The following IL1RL2 variants were observed in gnomAD, a reference collection of about 807,000 sequenced individuals.
IL1RL2 encodes the protein interleukin 1 receptor like 2.
IL1RL2 carries 68 observed loss-of-function variants against 66.8 expected under a neutral mutation model. The observed-to-expected ratio is 1.02, with a 90% CI of 0.84 to 1.25. IL1RL2 has a LOEUF of 1.25. Among genes scored for constraint, IL1RL2 ranks in the 50% most tolerant of loss-of-function variants. The pLI is 0.00. For synonymous variants in IL1RL2, 305 were observed against 264.6 expected (o/e 1.15, Z -1.48); for missense variants, 729 against 709.3 (o/e 1.03, Z -0.32).
At chr2:102,231,789 C>G (rs980907421) in intron 9 of IL1RL2, among the ~76,000 whole-genome samples, 6 of 152,178 alleles carry the variant, frequency 3.9e-5, no homozygotes, top group African/African-American at 1.4e-4. Context: ...GGTTTGACTT[C>G]TCTCAACGGC....
At chr2:102,234,860 T>C (rs2104897278) in intron 10 of IL1RL2, 37 bp from the exon 11 acceptor site, 2 of 1,572,882 alleles carry the variant, frequency 1.3e-6, no homozygotes, top group East Asian at 2.3e-5. Context: ...GCTGTTTTAA[T>C]TGTGAGTTCT....
intron 11 of IL1RL2, among the ~76,000 whole-genome samples, chr2:102,237,463 C>T (rs1159997073): frequency 1.3e-5 from 2 of 152,238 alleles, no homozygotes; most frequent in Non-Finnish European, 2.9e-5. Context: ...TCCAGCACTG[C>T]AGGCAGCCTT....
At chr2:102,228,370 A>G (rs1334815040) in intron 9 of IL1RL2, among the ~76,000 whole-genome samples, 1 of 152,184 alleles carries the variant, frequency 6.6e-6, no homozygotes, top group Non-Finnish European at 1.5e-5. Flanking sequence ...AGGATAAGTC[A>G]TTTACCCTGA....
intron 5 of IL1RL2, among the ~76,000 whole-genome samples, chr2:102,211,273 T>C (rs751201502): frequency 2.6e-5 from 4 of 152,204 alleles, no homozygotes; most frequent in Non-Finnish European, 5.9e-5. Flanking sequence ...ACTAAGTAGG[T>C]GATCGCTAAA....
chr2:102,219,820 T>C, intron 7 of IL1RL2, 61 bp from the exon 8 acceptor site: 1 of 1,470,908 alleles, frequency 6.8e-7, no homozygotes, highest in Non-Finnish European at 9.4e-7. Context: ...AGAAAACAGA[T>C]TATAAAATAT....
In IL1RL2 at chr2:102,235,088, A is replaced by T; in HGVS notation, c.1489A>T (p.Met497Leu). 1 of 1,614,250 alleles carries T rather than the reference A, an allele frequency of 6.2e-7. No homozygotes were observed. Among genetic ancestry groups the T allele is most frequent in the Non-Finnish European group, 8.5e-7 (1 of 1,180,048 alleles). The part of the protein sequence containing the change: ...ELEKIEDYTV[M>L]PESIQYIKQK... ...GGAGAAAATCGAGGACTACACAGTCATGCCAGAGTCAATTCAGTACATCAA... is the reference window on the plus strand; with the variant it reads ...GGAGAAAATCGAGGACTACACAGTCTTGCCAGAGTCAATTCAGTACATCAA... Residue 497 changes from methionine (M) to leucine (L), a missense_variant, in exon 11 of 12, where the codon ATG becomes TTG. By Grantham distance (15) the Met-to-Leu change is conservative (BLOSUM62 2). Transcript: ENST00000264257.
Position 102,220,677 on chromosome 2 carries a change from GTA to G in IL1RL2, c.991+662_991+663del, listed in dbSNP as rs989343479. ...TCTTGATTCTATTAATATCATTAGT[GTA>G]TGTGTGTGTGTGTGTGTGTGTGTTT... On this transcript the variant is annotated intron_variant, in intron 8 of 11. Transcript: ENST00000264257. Among the ~76,000 whole-genome samples the G allele has an allele frequency of 1.7e-4, 20 of 115,838 alleles. No homozygotes were observed. The South Asian group carries it at 2.3e-3, about 13-fold the overall frequency. The allele number at this position is 115,838 out of a possible 152,430, so 76.0% of individuals were successfully genotyped here. A position where few individuals can be genotyped will look rare whatever the true frequency, so the allele number is the denominator to read the frequency against.
intron 8 of IL1RL2, among the ~76,000 whole-genome samples, chr2:102,220,439 T>C (rs1690004726): frequency 6.6e-6 from 1 of 152,250 alleles, no homozygotes; most frequent in Non-Finnish European, 1.5e-5. Context: ...TTCTGATATT[T>C]AAGCAGGAGG....
chr2:102,224,730 G>C (rs1288376118), intron 8 of IL1RL2, among the ~76,000 whole-genome samples: 1 of 152,176 alleles, frequency 6.6e-6, no homozygotes, highest in South Asian at 2.1e-4. Flanking sequence ...AATGAATTTG[G>C]AATATTCCCA....
In IL1RL2 at chr2:102,226,031, G is replaced by T; in HGVS notation, c.1125G>T (p.Glu375Asp). The T allele has an allele frequency of 6.3e-7, 1 of 1,595,200 alleles. No homozygotes were observed. Among genetic ancestry groups the T allele is most frequent in the Admixed American group, 1.7e-5 (1 of 57,220 alleles). Residue 375 changes from glutamate to aspartate, a missense_variant, in exon 9 of 12, where the codon GAG becomes GAT. Glu to Asp is a conservative substitution (Grantham distance 45, BLOSUM62 2). Transcript: ENST00000264257. ...LWYRSAFHST[E>D]TIVDGKLYDA... ...ATCGAAGTGCCTTCCATTCTACAGA[G>T]ACCATAGTAGGTAAGTGTGTGTAAT...
At chr2:102,216,752 A>G (rs963408327) in intron 6 of IL1RL2, among the ~76,000 whole-genome samples, 3 of 152,018 alleles carry the variant, frequency 2.0e-5, no homozygotes, top group Non-Finnish European at 4.4e-5. Context: ...TGCAGTTTCT[A>G]TCATTGTGGC....
chr2:102,211,162 T>C (rs1333866016), intron 5 of IL1RL2, among the ~76,000 whole-genome samples: 4 of 152,230 alleles, frequency 2.6e-5, no homozygotes, highest in Non-Finnish European at 5.9e-5. Context: ...AATGCACATT[T>C]ATTATTGCCA....
At chr2:102,221,962 A>T (rs1209585511) in intron 8 of IL1RL2, among the ~76,000 whole-genome samples, 1 of 151,742 alleles carries the variant, frequency 6.6e-6, no homozygotes, top group Non-Finnish European at 1.5e-5. Flanking sequence ...TGAAACTACC[A>T]CCTGGATTAA....
intron 4 of IL1RL2, among the ~76,000 whole-genome samples, chr2:102,198,648 T>C: frequency 6.6e-6 from 1 of 152,338 alleles, no homozygotes. Flanking sequence ...TCTCTGTTTA[T>C]CTTTTTTATT....
At chr2:102,192,866 G>A (rs1002695221) in intron 4 of IL1RL2, among the ~76,000 whole-genome samples, 2 of 152,212 alleles carry the variant, frequency 1.3e-5, no homozygotes, top group African/African-American at 2.4e-5. Context: ...AAAGAATTAC[G>A]CAAATTTCTT....
At chr2:102,221,801 C>CACG (rs1284797045) in intron 8 of IL1RL2, among the ~76,000 whole-genome samples, 2 of 152,204 alleles carry the variant, frequency 1.3e-5, no homozygotes, top group Non-Finnish European at 2.9e-5. Context: ...GACTTCCTTC[C>CACG]ACGACTGTTG....
intron 3 of IL1RL2, among the ~76,000 whole-genome samples, chr2:102,189,947 C>T (rs1687088804): frequency 6.6e-6 from 1 of 152,152 alleles, no homozygotes; most frequent in South Asian, 2.1e-4. Flanking sequence ...CCACCTAGCC[C>T]GGCCGCTGCC....
intron 5 of IL1RL2, among the ~76,000 whole-genome samples, chr2:102,210,457 C>T (rs572726466): frequency 3.8e-4 from 58 of 152,206 alleles, no homozygotes; most frequent in African/African-American, 1.3e-3. Context: ...GCAGACTGGC[C>T]GCTGTGCACA....
chr2:102,238,141 G>A (rs986360464), intron 11 of IL1RL2, among the ~76,000 whole-genome samples: 1 of 152,176 alleles, frequency 6.6e-6, no homozygotes, highest in African/African-American at 2.4e-5. Flanking sequence ...GGAATCCCCA[G>A]GGACTGACCT....
Sources: gnomAD v4.1 joint callset for allele counts (sites outside exome capture counted in the v4.1 genomes callset) on GRCh38, gnomAD v4.1.1 for gene constraint, MANE v1.5 for transcripts, NCBI Gene and HGNC (gene_info 2026-07-23, HGNC 2026-07-21) for gene names.